ZNF407: variants seen among roughly 807,000 people sequenced by gnomAD.
The protein encoded by ZNF407 is zinc finger protein 407.
In ZNF407, 17 loss-of-function variants were observed where a neutral mutation model predicts 131.2. The observed-to-expected ratio is 0.13, with a 90% CI of 0.09 to 0.19. ZNF407 has a LOEUF of 0.19. ZNF407 is among the 10% of genes least tolerant of loss of function. The pLI is 1.00. For missense variants in ZNF407, 2,681 were observed against 2,830.6 expected, an observed-to-expected ratio of 0.95 and a Z score of 1.20; for synonymous variants, 1,156 against 1,062.0, an observed-to-expected ratio of 1.09 and a Z score of -1.72.
At chr18:74,665,685 G>A (rs1375573105) in intron 3 of ZNF407, among the ~76,000 whole-genome samples, 1 of 152,084 alleles carries the variant, frequency 6.6e-6, no homozygotes, top group Admixed American at 6.5e-5. Flanking sequence ...TAAGCAAACC[G>A]TGTACTGCTT....
chr18:75,037,124 G>A (rs1466740189), intron 8 of ZNF407, among the ~76,000 whole-genome samples: 2 of 152,216 alleles, frequency 1.3e-5, no homozygotes, highest in Non-Finnish European at 2.9e-5. Flanking sequence ...TCAGTTTAAA[G>A]ATGTAGATTA....
At chr18:74,600,393 T>C (rs952697410) in intron 1 of ZNF407, among the ~76,000 whole-genome samples, 1 of 152,214 alleles carries the variant, frequency 6.6e-6, no homozygotes, top group Non-Finnish European at 1.5e-5. Flanking sequence ...GTTGCTGGAC[T>C]GTTGACTCTC....
intron 3 of ZNF407, among the ~76,000 whole-genome samples, chr18:74,708,442 A>G (rs958417486): frequency 6.6e-5 from 10 of 152,206 alleles, no homozygotes; most frequent in African/African-American, 2.4e-4. Flanking sequence ...ATCCTCTGCT[A>G]TGTAGCCTAT....
In ZNF407 at chr18:74,653,088, G is replaced by C. The variant is rs375063246; in HGVS notation, c.4802+11966G>C. ...AGATTTTGTAGAATTCACTGAACATGGTTTGTGTGATGTGACATTTTGTTG... is the reference window on the plus strand; with the variant it reads ...AGATTTTGTAGAATTCACTGAACATCGTTTGTGTGATGTGACATTTTGTTG... On this transcript the variant is annotated intron_variant, in intron 3 of 8. Transcript: ENST00000299687. Among the ~76,000 whole-genome samples, 9 of 152,006 alleles carry C rather than the reference G, an allele frequency of 5.9e-5. No individual in the cohort carries two copies. In the East Asian group the frequency reaches 1.7e-3, roughly 29 times the overall value.
chr18:75,011,479 C>G (rs1972973693), intron 8 of ZNF407, among the ~76,000 whole-genome samples: 1 of 152,102 alleles, frequency 6.6e-6, no homozygotes. Flanking sequence ...TGGGGTTTTA[C>G]TCATTACCAC....
intron 8 of ZNF407, among the ~76,000 whole-genome samples, chr18:75,058,284 G>A (rs1287261974): frequency 2.0e-5 from 3 of 152,200 alleles, no homozygotes; most frequent in African/African-American, 7.2e-5. Flanking sequence ...CAAATCCTCA[G>A]ACACCCCAGT....
At chr18:74,617,072 C>G (rs1983337033) in intron 1 of ZNF407, among the ~76,000 whole-genome samples, 2 of 123,504 alleles carry the variant, frequency 1.6e-5, no homozygotes, top group Non-Finnish European at 3.3e-5. Flanking sequence ...CATCCATATC[C>G]ACACACATCC....
At chr18:74,874,989 C>T (rs1971136590) in intron 4 of ZNF407, among the ~76,000 whole-genome samples, 1 of 152,084 alleles carries the variant, frequency 6.6e-6, no homozygotes, top group Admixed American at 6.5e-5. Flanking sequence ...CAGGTTTCGC[C>T]CAGGGCTCCT....
intron 7 of ZNF407, among the ~76,000 whole-genome samples, chr18:74,915,735 G>A (rs1275821000): frequency 1.6e-5 from 1 of 62,382 alleles, no homozygotes; most frequent in Non-Finnish European, 3.2e-5. Flanking sequence ...GTATGGTGAG[G>A]TTGTATGCAG....
Position 74,652,685 on chromosome 18 carries a change from T to C in ZNF407, c.4802+11563T>C, listed in dbSNP as rs546682821. Among the ~76,000 whole-genome samples the C allele has an allele frequency of 2.6e-5, 4 of 152,106 alleles. No homozygotes were observed. The South Asian group carries it at 6.2e-4, about 24-fold the overall frequency. Reference sequence around the variant, plus strand: ...ATATTTTTCTCCATTAGTTTCATATTACAACTTCCCGAGGTGCTTCCTCCC... The same window carrying C: ...ATATTTTTCTCCATTAGTTTCATATCACAACTTCCCGAGGTGCTTCCTCCC... On this transcript the variant is annotated intron_variant, in intron 3 of 8. Coordinates refer to ENST00000299687, the MANE Select transcript of ZNF407 (RefSeq NM_017757.3).
intron 2 of ZNF407, among the ~76,000 whole-genome samples, chr18:74,639,443 C>A (rs1984609194): frequency 6.6e-6 from 1 of 152,120 alleles, no homozygotes; most frequent in Non-Finnish European, 1.5e-5. Flanking sequence ...TTACAAAAGT[C>A]CCATTATAGA....
chr18:74,824,426 C>T (rs1412529016), intron 4 of ZNF407, among the ~76,000 whole-genome samples: 1 of 151,986 alleles, frequency 6.6e-6, no homozygotes, highest in African/African-American at 2.4e-5. Context: ...AATTCAGGAG[C>T]TGGTTTTTTG....
chr18:75,032,966 G>A (rs11875781), intron 8 of ZNF407, among the ~76,000 whole-genome samples: 89,487 of 113,640 alleles, frequency 0.79, 36,404 homozygotes, highest in East Asian at 0.91. Flanking sequence ...AAGAGTGCTC[G>A]GAATGGGGGG....
intron 8 of ZNF407, among the ~76,000 whole-genome samples, chr18:75,029,067 C>G (rs777180438): frequency 8.5e-5 from 13 of 152,180 alleles, no homozygotes; most frequent in Non-Finnish European, 2.9e-5. Context: ...TCTCAGATAT[C>G]AGAATAAAGA....
intron 4 of ZNF407, chr18:74,803,870 G>A: frequency 1.5e-6 from 2 of 1,351,100 alleles, no homozygotes; most frequent in South Asian, 2.7e-5. Context: ...AAAAAGGTCA[G>A]GAATGACGGA....
chr18:75,025,854 G>C (rs1973164901), intron 8 of ZNF407, among the ~76,000 whole-genome samples: 1 of 152,212 alleles, frequency 6.6e-6, no homozygotes, highest in Non-Finnish European at 1.5e-5. Context: ...CCTCCTAAAT[G>C]AGATCTTAGC....
chr18:74,832,145 G>T (rs992801632), intron 4 of ZNF407, among the ~76,000 whole-genome samples: 3 of 152,148 alleles, frequency 2.0e-5, no homozygotes, highest in African/African-American at 7.2e-5. Context: ...ACACCTTGAG[G>T]CATGATTTTC....
intron 7 of ZNF407, among the ~76,000 whole-genome samples, chr18:74,908,963 C>T (rs1051538455): frequency 1.3e-5 from 2 of 151,562 alleles, no homozygotes; most frequent in Non-Finnish European, 2.9e-5. Flanking sequence ...GTTTAATTTA[C>T]ATAAAGATTT....
rs569906281 is a variant in ZNF407, at chr18:75,003,117, A to G, written c.5429-60033A>G. 4.6e-5 allele frequency among the ~76,000 whole-genome samples: 7 copies of G among 152,374 alleles called. No homozygotes were observed. In the South Asian group the frequency reaches 1.4e-3, roughly 32 times the overall value. ...ACATCAACTCATTATTTTTGAAAAAAGTAGGGCTTTCCTAACAAACATTTC... is the reference window on the plus strand; with the variant it reads ...ACATCAACTCATTATTTTTGAAAAAGGTAGGGCTTTCCTAACAAACATTTC... On this transcript the variant is annotated intron_variant, in intron 8 of 8. Coordinates refer to ENST00000299687, the MANE Select transcript of ZNF407 (RefSeq NM_017757.3).
Sources: gnomAD v4.1 joint callset for allele counts (sites outside exome capture counted in the v4.1 genomes callset) on GRCh38, gnomAD v4.1.1 for gene constraint, MANE v1.5 for transcripts, NCBI Gene and HGNC (gene_info 2026-07-23, HGNC 2026-07-21) for gene names.